Variants in GRIK1 observed in about 807,000 individuals in gnomAD.
The protein encoded by GRIK1 is glutamate receptor ionotropic, kainate 1.
In GRIK1, 69 loss-of-function variants were observed where a neutral mutation model predicts 105.7. That is an observed-to-expected ratio of 0.65 (90% CI 0.54 to 0.80). The LOEUF (loss-of-function observed/expected upper bound fraction) is 0.80, where lower values mean the gene tolerates loss of function less well. GRIK1 is among the 30% of genes least tolerant of loss of function. The pLI is 0.00. For missense variants in GRIK1, 1,109 were observed against 1,167.3 expected (o/e 0.95, Z 0.73); for synonymous variants, 438 against 431.3 (o/e 1.02, Z -0.19).
chr21:29,662,671 G>A (rs930625466), intron 4 of GRIK1, among the ~76,000 whole-genome samples: 5 of 152,044 alleles, frequency 3.3e-5, no homozygotes, highest in Admixed American at 6.6e-5. Flanking sequence ...CTGGTCTCAC[G>A]AGATCTCTAT....
intron 1 of GRIK1, among the ~76,000 whole-genome samples, chr21:29,697,784 A>G (rs749562416): frequency 1.2e-4 from 19 of 152,150 alleles, no homozygotes; most frequent in Non-Finnish European, 7.3e-5. Flanking sequence ...TTTAATAAGC[A>G]GAATAAAGGG....
At chr21:29,553,532 CTTTTT>C in intron 16 of GRIK1, 3 of 1,320,542 alleles carry the variant, frequency 2.3e-6, no homozygotes, top group South Asian at 1.5e-5. Flanking sequence ...CTGGGCACAT[CTTTTT>C]TTTTTTTTTT....
chr21:29,648,220 A>G (rs1418994349), intron 6 of GRIK1, among the ~76,000 whole-genome samples: 2 of 152,204 alleles, frequency 1.3e-5, no homozygotes, highest in Non-Finnish European at 2.9e-5. Context: ...TACCAATATG[A>G]CTATAAACAG....
intron 14 of GRIK1, among the ~76,000 whole-genome samples, chr21:29,572,129 CAG>C (rs1174885190): frequency 1.3e-5 from 2 of 152,108 alleles, no homozygotes; most frequent in Non-Finnish European, 2.9e-5. Context: ...TGCTGTCACT[CAG>C]TGATTTAGGG....
intron 14 of GRIK1, among the ~76,000 whole-genome samples, chr21:29,570,519 C>A (rs764213285): frequency 6.6e-6 from 1 of 151,402 alleles, no homozygotes; most frequent in African/African-American, 2.4e-5. Flanking sequence ...AAAAAAAATT[C>A]TCTTAAATAG....
intron 1 of GRIK1, among the ~76,000 whole-genome samples, chr21:29,854,043 C>CTCCT (rs2068385957): frequency 2.6e-5 from 4 of 152,118 alleles, no homozygotes. Flanking sequence ...TGTTGCTATA[C>CTCCT]AGGAATACCT....
intron 1 of GRIK1, among the ~76,000 whole-genome samples, chr21:29,826,414 T>C (rs768817084): frequency 1.3e-5 from 2 of 152,266 alleles, no homozygotes; most frequent in Admixed American, 6.5e-5. Flanking sequence ...TTTAAATCCA[T>C]GGACTTTGAG....
intron 14 of GRIK1, among the ~76,000 whole-genome samples, chr21:29,575,222 CT>C (rs981657118): frequency 1.3e-5 from 2 of 151,740 alleles, no homozygotes; most frequent in Admixed American, 6.6e-5. Context: ...GAAATGTGTA[CT>C]TTTTTTTCCT....
intron 1 of GRIK1, among the ~76,000 whole-genome samples, chr21:29,911,621 C>T (rs373022177): frequency 9.9e-5 from 15 of 152,062 alleles, no homozygotes; most frequent in African/African-American, 1.7e-4. Flanking sequence ...TACTGGTAGG[C>T]GGGGCCTTTG....
intron 1 of GRIK1, among the ~76,000 whole-genome samples, chr21:29,859,337 TGTACCCTAGAACTTAAA>T: frequency 6.6e-6 from 1 of 151,744 alleles, no homozygotes; most frequent in African/African-American, 2.4e-5. Flanking sequence ...GTTGTGCACA[TGTACCCTAGAACTTAAA>T]GTATAATAAA....
chr21:29,850,806 T>C (rs2068280299), intron 1 of GRIK1, among the ~76,000 whole-genome samples: 1 of 152,168 alleles, frequency 6.6e-6, no homozygotes, highest in Non-Finnish European at 1.5e-5. Flanking sequence ...ACAGGGGAAA[T>C]AGTATAACTA....
At chr21:29,851,333 G>C (rs1000772162) in intron 1 of GRIK1, among the ~76,000 whole-genome samples, 1 of 152,152 alleles carries the variant, frequency 6.6e-6, no homozygotes, top group African/African-American at 2.4e-5. Context: ...GGAATTACAG[G>C]CATGAGCCAC....
At chr21:29,560,345 TTCTTTCTTTCTTTTTCTTTC>T (rs1406654283) in intron 15 of GRIK1, among the ~76,000 whole-genome samples, 2 of 111,098 alleles carry the variant, frequency 1.8e-5, no homozygotes, top group Admixed American at 9.4e-5. Context: ...CTTTCTTTCT[TTCTTTCTTTCTTTTTCTTTC>T]TTCCTTCCTT....
At chr21:29,735,161 A>G (rs1356170037) in intron 1 of GRIK1, among the ~76,000 whole-genome samples, 1 of 152,180 alleles carries the variant, frequency 6.6e-6, no homozygotes, top group Non-Finnish European at 1.5e-5. Context: ...ACTTTGCTTT[A>G]TTCATCGTGG....
At chr21:29,763,274 G>T (rs1160751288) in intron 1 of GRIK1, among the ~76,000 whole-genome samples, 1 of 152,190 alleles carries the variant, frequency 6.6e-6, no homozygotes, top group African/African-American at 2.4e-5. Context: ...CTGTGAAGAA[G>T]ATGCCTGCTT....
intron 16 of GRIK1, among the ~76,000 whole-genome samples, chr21:29,544,925 T>C (rs1010600589): frequency 5.9e-5 from 9 of 152,156 alleles, no homozygotes; most frequent in African/African-American, 2.2e-4. Context: ...GGGGGCAAAC[T>C]CCCATGCAGC....
At chr21:29,668,422 C>T (rs746929522) in intron 4 of GRIK1, among the ~76,000 whole-genome samples, 4 of 151,980 alleles carry the variant, frequency 2.6e-5, no homozygotes, top group Admixed American at 6.6e-5. Context: ...ATTTGGCAAC[C>T]GCAAGTGCAA....
chr21:29,848,825 T>TA (rs2068220445), intron 1 of GRIK1, among the ~76,000 whole-genome samples: 1 of 146,868 alleles, frequency 6.8e-6, no homozygotes, highest in East Asian at 2.0e-4. Context: ...TTGGTATACG[T>TA]AAAATGTGTT....
At chr21:29,817,673 C>T (rs1601773211) in intron 1 of GRIK1, among the ~76,000 whole-genome samples, 1 of 152,090 alleles carries the variant, frequency 6.6e-6, no homozygotes, top group Non-Finnish European at 1.5e-5. Context: ...CATGTGGAAA[C>T]CAACTGGACC....
Sources: gnomAD v4.1 joint callset for allele counts (sites outside exome capture counted in the v4.1 genomes callset) on GRCh38, gnomAD v4.1.1 for gene constraint, MANE v1.5 for transcripts, NCBI Gene and HGNC (gene_info 2026-07-23, HGNC 2026-07-21) for gene names.